PTPRT: variants seen among roughly 807,000 people sequenced by gnomAD.
PTPRT encodes the protein receptor-type tyrosine-protein phosphatase T.
PTPRT carries 56 observed loss-of-function variants against 176.8 expected under a neutral mutation model. The ratio of observed to expected loss-of-function variants is 0.32; its 90% confidence interval spans 0.26 to 0.40. The LOEUF (loss-of-function observed/expected upper bound fraction) is 0.40. PTPRT is among the 10% of genes least tolerant of loss of function. PTPRT has a pLI of 1.00. For missense variants in PTPRT, 1,540 were observed against 1,908.2 expected (o/e 0.81, Z 3.60); for synonymous variants, 783 against 739.0 (o/e 1.06, Z -0.96).
chr20:42,324,879 G>C (rs1048093476), intron 11 of PTPRT, among the ~76,000 whole-genome samples: 1 of 152,158 alleles, frequency 6.6e-6, no homozygotes, highest in Admixed American at 6.5e-5. Context: ...AATGGGAGGA[G>C]GTGTACATTC....
intron 7 of PTPRT, among the ~76,000 whole-genome samples, chr20:42,512,417 CTCAG>C: frequency 6.6e-6 from 1 of 152,134 alleles, no homozygotes; most frequent in Non-Finnish European, 1.5e-5. Flanking sequence ...GTCTCCTTTT[CTCAG>C]TATAATGCCT....
intron 11 of PTPRT, among the ~76,000 whole-genome samples, chr20:42,349,210 A>G (rs1275288271): frequency 2.6e-5 from 4 of 152,146 alleles, no homozygotes; most frequent in Non-Finnish European, 5.9e-5. Flanking sequence ...GTAGCTGCCC[A>G]TGTCCTTCAA....
At chr20:42,699,039 C>T (rs190762787) in intron 6 of PTPRT, among the ~76,000 whole-genome samples, 3 of 152,062 alleles carry the variant, frequency 2.0e-5, no homozygotes, top group South Asian at 2.1e-4. Context: ...AGAGGAGAGA[C>T]GATGGAGAAG....
rs77291909 is a variant in PTPRT at position 42,077,662 on chromosome 20, C to T, written c.*3217G>A. 2.5e-3 allele frequency: 550 copies of T among 219,912 alleles called. 5 individuals carry two copies. In the East Asian group the frequency reaches 0.035, roughly 14 times the overall value. 13.6% of individuals were successfully genotyped at this position (219,912 alleles called of 1,614,324 possible). ...CATGGGATCTTAGGGAAGTCATCCC[C>T]ATCCATAAGCCTCAATTTCTTCCTG... On this transcript the variant is annotated 3_prime_UTR_variant, in exon 31 of 31. Transcript: ENST00000373187.
intron 4 of PTPRT, among the ~76,000 whole-genome samples, chr20:42,772,015 T>A (rs778208544): frequency 9.9e-5 from 15 of 152,002 alleles, no homozygotes; most frequent in Non-Finnish European, 1.9e-4. Context: ...GCAGGAGGGG[T>A]GTATTCACCA....
At chr20:42,204,723 C>T (rs933275387) in intron 15 of PTPRT, among the ~76,000 whole-genome samples, 5 of 152,034 alleles carry the variant, frequency 3.3e-5, no homozygotes, top group Admixed American at 3.3e-4. Flanking sequence ...GACCATGAGT[C>T]CTGTGATTTG....
intron 15 of PTPRT, among the ~76,000 whole-genome samples, chr20:42,209,546 GAAGA>G (rs2055565485): frequency 6.6e-6 from 1 of 152,180 alleles, no homozygotes; most frequent in Non-Finnish European, 1.5e-5. Flanking sequence ...AGAAAATCTA[GAAGA>G]AATGGATAAA....
Position 42,540,147 on chromosome 20 carries a change from A to T in PTPRT, c.1154-67585T>A, listed in dbSNP as rs115461931. Among the ~76,000 whole-genome samples, 1,138 of 152,308 alleles carry T rather than the reference A, an allele frequency of 7.5e-3. 10 individuals are homozygous for T. Among genetic ancestry groups the T allele is most frequent in the African/African-American group, 0.026 (1,077 of 41,582 alleles). ...GATGAGACACTGATCATGTCATACA[A>T]GTTTGGACAGGGAATTGGGAAAAAT... is the stretch of plus-strand genomic sequence containing the variant. On this transcript the variant is annotated intron_variant, in intron 7 of 30. Transcript: ENST00000373187.
chr20:42,361,098 A>G (rs1303879871), intron 9 of PTPRT, among the ~76,000 whole-genome samples: 1 of 152,014 alleles, frequency 6.6e-6, no homozygotes, highest in Non-Finnish European at 1.5e-5. Flanking sequence ...AACAGTTTCT[A>G]GGGAGAGGGG....
chr20:43,108,060 A>G (rs2012695966), intron 1 of PTPRT, among the ~76,000 whole-genome samples: 1 of 152,212 alleles, frequency 6.6e-6, no homozygotes, highest in Non-Finnish European at 1.5e-5. Flanking sequence ...CATTTCTTCT[A>G]CAAGGTGATC....
chr20:42,378,341 T>G (rs537194273), intron 9 of PTPRT, among the ~76,000 whole-genome samples: 1 of 152,344 alleles, frequency 6.6e-6, no homozygotes, highest in South Asian at 2.1e-4. Flanking sequence ...CCTCTCTTCT[T>G]GGCTTCAATT....
chr20:42,858,636 G>C (rs148700935), intron 2 of PTPRT, among the ~76,000 whole-genome samples: 2 of 152,296 alleles, frequency 1.3e-5, no homozygotes, highest in East Asian at 3.9e-4. Context: ...GAGATCTCAC[G>C]AGATATGGAA....
At chr20:43,102,881 G>T (rs538247898) in intron 1 of PTPRT, among the ~76,000 whole-genome samples, 1 of 152,262 alleles carries the variant, frequency 6.6e-6, no homozygotes, top group South Asian at 2.1e-4. Context: ...TTGGCTCAAG[G>T]TGTACTTTGG....
intron 9 of PTPRT, among the ~76,000 whole-genome samples, chr20:42,388,340 C>T (rs903610097): frequency 6.6e-6 from 1 of 152,128 alleles, no homozygotes; most frequent in Non-Finnish European, 1.5e-5. Flanking sequence ...GAACAGGCAA[C>T]CTACAGAATG....
chr20:42,958,630 C>A (rs1416293622), intron 1 of PTPRT, among the ~76,000 whole-genome samples: 1 of 152,030 alleles, frequency 6.6e-6, no homozygotes, highest in Non-Finnish European at 1.5e-5. Flanking sequence ...TTTCTCCCCT[C>A]CACATTGTCC....
intron 7 of PTPRT, among the ~76,000 whole-genome samples, chr20:42,634,028 T>G (rs1264696828): frequency 3.6e-5 from 1 of 27,754 alleles, no homozygotes; most frequent in Non-Finnish European, 5.6e-5. Context: ...ATATAATATA[T>G]ATATTATATA....
chr20:43,112,065 A>G (rs978171334), intron 1 of PTPRT, among the ~76,000 whole-genome samples: 1 of 152,210 alleles, frequency 6.6e-6, no homozygotes, highest in African/African-American at 2.4e-5. Flanking sequence ...ACATATCCTC[A>G]TATGTATACA....
chr20:42,082,096 G>C (rs1467056648), intron 29 of PTPRT, 79 bp from the exon 30 acceptor site: 3 of 1,593,290 alleles, frequency 1.9e-6, no homozygotes, highest in East Asian at 2.2e-5. Flanking sequence ...ACATCAGTAG[G>C]AGTAGGGATC....
chr20:42,235,164 C>T lies in PTPRT; in HGVS notation c.2342+1065G>A, dbSNP rs1419234331. On this transcript the variant is annotated intron_variant, in intron 15 of 30. Coordinates refer to ENST00000373187, the MANE Select transcript of PTPRT (RefSeq NM_007050.6). ...TTAGGAATGTGGACTAGTTCAGGGG[C>T]TTTCTAACTTTTTATCACCAAGGAT... Among the ~76,000 whole-genome samples, 5 of 152,120 alleles carry T rather than the reference C, an allele frequency of 3.3e-5. No homozygotes were observed. In the East Asian group the frequency reaches 7.7e-4, roughly 23 times the overall value.
Sources: allele counts gnomAD v4.1 joint callset (sites outside exome capture counted in the v4.1 genomes callset), GRCh38; gene constraint gnomAD v4.1.1; transcripts MANE v1.5; gene names NCBI Gene and HGNC (gene_info 2026-07-23, HGNC 2026-07-21).